Variants in GRAMD1B observed in about 807,000 individuals in gnomAD.
The protein encoded by GRAMD1B is protein Aster-B.
GRAMD1B carries 37 observed loss-of-function variants against 99.7 expected under a neutral mutation model. That is an observed-to-expected ratio of 0.37 (90% CI 0.29 to 0.49). The LOEUF (loss-of-function observed/expected upper bound fraction) is 0.49. Among genes scored for constraint, GRAMD1B ranks in the 20% least tolerant of loss-of-function variants. GRAMD1B has a pLI of 0.98. For missense variants in GRAMD1B, 888 were observed against 1,009.2 expected (o/e 0.88, Z 1.63); for synonymous variants, 427 against 387.6 (o/e 1.10, Z -1.19).
chr11:123,371,836 C>T (rs796496308), intron 1 of GRAMD1B, among the ~76,000 whole-genome samples: 12 of 152,326 alleles, frequency 7.9e-5, no homozygotes, highest in African/African-American at 2.9e-4. Flanking sequence ...GTCCTTACCC[C>T]AGGCTCAGCC....
chr11:123,432,966 TAGA>T (rs1436846526), intron 1 of GRAMD1B, among the ~76,000 whole-genome samples: 2 of 152,140 alleles, frequency 1.3e-5, no homozygotes, highest in African/African-American at 4.8e-5. Flanking sequence ...ACGCTGGGGA[TAGA>T]AGTTCTTTCT....
intron 14 of GRAMD1B, 104 bp from the exon 15 acceptor site, chr11:123,612,657 T>C: frequency 2.8e-6 from 2 of 725,498 alleles, no homozygotes; most frequent in Non-Finnish European, 5.0e-6. Context: ...TAAAGTTTAG[T>C]ACAAATGTGA....
Position 123,557,684 on chromosome 11 carries a change from AAG to A in GRAMD1B, c.453-19680_453-19679del, listed in dbSNP as rs1171367168. Among the ~76,000 whole-genome samples, 16 of 152,210 alleles carry A rather than the reference AAG, an allele frequency of 1.1e-4. 1 individual carries two copies. Among genetic ancestry groups the A allele is most frequent in the Admixed American group, 9.2e-4 (14 of 15,280 alleles). ...GAAACTTAGTGAAGCTAACTTTTCAAAGAGCACAGAAGAAGTAATTGATAGGA... is the reference window on the plus strand; with the variant it reads ...GAAACTTAGTGAAGCTAACTTTTCAAAGCACAGAAGAAGTAATTGATAGGA... On this transcript the variant is annotated intron_variant, in intron 2 of 19. Transcript: ENST00000635736.
In GRAMD1B at chr11:123,423,962, G is replaced by A. The variant is rs532462509; in HGVS notation, c.-175-56854G>A. On this transcript the variant is annotated intron_variant, in intron 1 of 20. Transcript: ENST00000638157. ...CAATAAACGCCTCCTTTCTCCCCTC[G>A]GCTTCCCAGTGATTGCTGTTTCTTG... is the stretch of plus-strand genomic sequence containing the variant. Among the ~76,000 whole-genome samples, 18 of 152,074 alleles carry A rather than the reference G, an allele frequency of 1.2e-4. No homozygotes were observed. In the South Asian group the frequency reaches 1.7e-3, roughly 14 times the overall value.
chr11:123,399,555 T>C (rs1947584174), intron 1 of GRAMD1B, among the ~76,000 whole-genome samples: 1 of 152,196 alleles, frequency 6.6e-6, no homozygotes, highest in Admixed American at 6.5e-5. Flanking sequence ...TCGCCAACAG[T>C]GTGCAAGAGT....
chr11:123,472,227 C>CAAA (rs35517773), intron 1 of GRAMD1B, among the ~76,000 whole-genome samples: 1 of 123,488 alleles, frequency 8.1e-6, no homozygotes, highest in Non-Finnish European at 1.7e-5. Flanking sequence ...GACTCTGTCT[C>CAAA]AAAAAAAAAA....
chr11:123,568,085 A>G (rs1443139137), intron 2 of GRAMD1B, among the ~76,000 whole-genome samples: 5 of 151,992 alleles, frequency 3.3e-5, no homozygotes, highest in African/African-American at 1.2e-4. Context: ...CCATCTTTAA[A>G]TTTCTTTGTA....
chr11:123,593,988 T>C (rs1950966936), intron 4 of GRAMD1B, 94 bp from the exon 5 acceptor site: 4 of 874,264 alleles, frequency 4.6e-6, no homozygotes, highest in South Asian at 1.4e-5. Flanking sequence ...TCTTTGCTTT[T>C]TAAACACACA....
intron 1 of GRAMD1B, among the ~76,000 whole-genome samples, chr11:123,448,141 T>C (rs185231293): frequency 4.6e-5 from 7 of 152,198 alleles, no homozygotes; most frequent in African/African-American, 1.4e-4. Flanking sequence ...AGTATTGGGC[T>C]TCCAGGTGTG....
Position 123,625,324 on chromosome 11 carries a change from T to C in GRAMD1B, c.*2729T>C, listed in dbSNP as rs1309654083. On this transcript the variant is annotated 3_prime_UTR_variant, in exon 20 of 20. Coordinates refer to ENST00000635736, the MANE Select transcript of GRAMD1B (RefSeq NM_001387025.1). ...GTTTACTGGGGACACACAGGAGTCT[T>C]TCTGTAATGACTTATGTGGTAAAAT... 6.6e-6 allele frequency: 1 copy of C among 152,246 alleles called. No homozygotes were observed. The highest frequency in any genetic ancestry group is 1.5e-5 in the Non-Finnish European group (1 of 68,044). 9.4% of individuals were successfully genotyped at this position (152,246 alleles called of 1,614,324 possible). A position where few individuals can be genotyped will look rare whatever the true frequency, so the allele number is the denominator to read the frequency against.
intron 2 of GRAMD1B, among the ~76,000 whole-genome samples, chr11:123,506,922 C>A (rs556404750): frequency 6.6e-6 from 1 of 152,306 alleles, no homozygotes; most frequent in South Asian, 2.1e-4. Flanking sequence ...ACTCTCCCTC[C>A]TGCTTTGAGT....
intron 1 of GRAMD1B, among the ~76,000 whole-genome samples, chr11:123,373,641 T>C (rs1946602875): frequency 1.3e-5 from 2 of 152,202 alleles, no homozygotes; most frequent in East Asian, 3.8e-4. Context: ...GGTGTATGTA[T>C]GTCTTACATA....
intron 1 of GRAMD1B, among the ~76,000 whole-genome samples, chr11:123,391,419 A>G (rs1947274255): frequency 6.6e-6 from 1 of 152,114 alleles, no homozygotes. Flanking sequence ...CGAGATCACT[A>G]AAGTCCTTCT....
intron 2 of GRAMD1B, among the ~76,000 whole-genome samples, chr11:123,576,293 AC>A (rs1948703195): frequency 6.6e-6 from 1 of 152,164 alleles, no homozygotes; most frequent in African/African-American, 2.4e-5. Context: ...CTGAAGCCTG[AC>A]CCAGCTGAGA....
At chr11:123,536,387 C>T (rs376885605) in intron 2 of GRAMD1B, among the ~76,000 whole-genome samples, 97 of 152,226 alleles carry the variant, frequency 6.4e-4, no homozygotes, top group Non-Finnish European at 1.2e-3. Flanking sequence ...TGGACTCCAG[C>T]CTGGGTGACA....
At position 123,430,816 on chromosome 11, in the gene GRAMD1B, G is replaced by C; in HGVS notation, c.24G>C (p.Glu8Asp). The C allele has an allele frequency of 1.4e-6, 1 of 694,878 alleles. No individual in the cohort carries two copies. The allele number at this position is 694,878 out of a possible 1,614,324, so 43.0% of individuals were successfully genotyped here. A position where few individuals can be genotyped will look rare whatever the true frequency, so the allele number is the denominator to read the frequency against. MPAANMM[E>D]NRPLPALQVP... The stretch of plus-strand genomic sequence containing the variant: ...CCATGCCGGCGGCCAACATGATGGA[G>C]AACCGGCCGCTGCCCGCCCTGCAGG... The change falls in exon 1 of 20, where the codon GAG becomes GAC. Residue 8 changes from glutamate (E) to aspartate (D), a missense_variant. By Grantham distance (45) the Glu-to-Asp change is conservative. Coordinates refer to ENST00000635736, the MANE Select transcript of GRAMD1B (RefSeq NM_001387025.1).
At chr11:123,513,576 CCTTT>C (rs1308630473) in intron 2 of GRAMD1B, among the ~76,000 whole-genome samples, 1 of 67,090 alleles carries the variant, frequency 1.5e-5, no homozygotes, top group African/African-American at 5.6e-5. Flanking sequence ...TTCCTTCCTT[CCTTT>C]CCTTCCTTCC....
At chr11:123,595,145 T>G (rs926475235) in intron 6 of GRAMD1B, among the ~76,000 whole-genome samples, 1 of 152,258 alleles carries the variant, frequency 6.6e-6, no homozygotes, top group South Asian at 2.1e-4. Context: ...TAGAAAGGGC[T>G]TTGGCCTTGG....
chr11:123,517,943 C>T (rs1468322340), intron 2 of GRAMD1B, among the ~76,000 whole-genome samples: 1 of 152,174 alleles, frequency 6.6e-6, no homozygotes, highest in Non-Finnish European at 1.5e-5. Flanking sequence ...AAGCACCCTC[C>T]TGGGTCCCTA....
Sources: gnomAD v4.1 joint callset for allele counts (sites outside exome capture counted in the v4.1 genomes callset) on GRCh38, gnomAD v4.1.1 for gene constraint, MANE v1.5 for transcripts, NCBI Gene and HGNC (gene_info 2026-07-23, HGNC 2026-07-21) for gene names.